The following NAP1L1 variants were observed in gnomAD, a reference collection of about 807,000 sequenced individuals.
NAP1L1 encodes nucleosome assembly protein 1-like 1.
Under a neutral mutation model 58.9 loss-of-function variants are expected in NAP1L1, and 9 were observed. The ratio of observed to expected loss-of-function variants is 0.15; its 90% CI spans 0.09 to 0.27. The LOEUF is 0.27. NAP1L1 is among the 10% of genes least tolerant of loss of function. The probability of loss-of-function intolerance (pLI) is 1.00; values close to 1 mark genes in which losing one functional copy is unlikely to be tolerated. For missense variants in NAP1L1, 302 were observed against 458.8 expected (o/e 0.66, Z 3.12); for synonymous variants, 130 against 138.3 (o/e 0.94, Z 0.42).
chr12:76,060,938 C>G, intron 4 of NAP1L1: 1 of 295,666 alleles, frequency 3.4e-6, no homozygotes, highest in Non-Finnish European at 6.8e-6. Flanking sequence ...ACAAAAAATA[C>G]AAAAATTAGC....
intron 6 of NAP1L1, chr12:76,057,535 GA>G: frequency 1.3e-6 from 1 of 774,162 alleles, no homozygotes. Context: ...CTGGGTTTGT[GA>G]AATGGCTGCT....
rs1360364127 is a variant in NAP1L1 at position 76,042,389 on chromosome 12, C to T, written c.*6040G>A. 2 of 152,176 alleles carry T rather than the reference C, an allele frequency of 1.3e-5. No homozygotes were observed. Among genetic ancestry groups the T allele is most frequent in the African/African-American group, 4.8e-5 (2 of 41,438 alleles). The allele number at this position is 152,176 out of a possible 1,614,324, so 9.4% of individuals were successfully genotyped here. On this transcript the variant is annotated 3_prime_UTR_variant, in exon 15 of 15. Transcript: ENST00000618691. ...GCTGAACCAACAGGTGGTAGACAGA[C>T]TCTAAAGCCTGTGTTTAAAGACACT...
Position 76,053,113 on chromosome 12 carries a change from G to A in NAP1L1, c.917-3C>T, listed in dbSNP as rs1208977764. On this transcript the variant is annotated splice_polypyrimidine_tract_variant and splice_region_variant and intron_variant, in intron 10 of 14. Coordinates refer to ENST00000618691, the MANE Select transcript of NAP1L1 (RefSeq NM_004537.7). The stretch of plus-strand genomic sequence containing the variant: ...TACCAGATCTCCACTCTCAGGAACT[G>A]CAAAATTGAGAAAAGAAATTACAAT... The A allele has an allele frequency of 7.4e-6, 12 of 1,611,398 alleles. No individual in the cohort carries two copies. Among genetic ancestry groups the A allele is most frequent in the Non-Finnish European group, 1.0e-5 (12 of 1,178,462 alleles).
At chr12:76,076,968 A>G (rs1950205560) in intron 1 of NAP1L1, among the ~76,000 whole-genome samples, 1 of 152,214 alleles carries the variant, frequency 6.6e-6, no homozygotes, top group Non-Finnish European at 1.5e-5. Flanking sequence ...TGGTTTTCCA[A>G]CACACAGATT....
intron 11 of NAP1L1, 81 bp from the exon 12 acceptor site, chr12:76,050,734 C>T (rs546512272): frequency 2.1e-6 from 3 of 1,442,226 alleles, no homozygotes; most frequent in South Asian, 2.8e-5. Context: ...CTCTTAGAGG[C>T]TGGGTGTGAT....
intron 6 of NAP1L1, chr12:76,057,089 C>T (rs977508740): frequency 1.6e-5 from 3 of 182,578 alleles, no homozygotes; most frequent in Non-Finnish European, 3.5e-5. Flanking sequence ...TTGCTTGAAG[C>T]CAGGAGTCTA....
chr12:76,081,065 C>G (rs1049040919), intron 1 of NAP1L1, among the ~76,000 whole-genome samples: 1 of 98,832 alleles, frequency 1.0e-5, no homozygotes, highest in African/African-American at 4.2e-5. Flanking sequence ...TCTATAACTG[C>G]AAGAAATAAA....
chr12:76,078,502 A>C (rs1950282946), intron 1 of NAP1L1, among the ~76,000 whole-genome samples: 1 of 152,224 alleles, frequency 6.6e-6, no homozygotes, highest in African/African-American at 2.4e-5. Context: ...ATCCTACACA[A>C]AGACTTAAAA....
At position 76,045,789 on chromosome 12, in the gene NAP1L1, AAATTT is replaced by A. The variant is rs1948597049; in HGVS notation, c.*2635_*2639del. On this transcript the variant is annotated 3_prime_UTR_variant, in exon 15 of 15. Coordinates refer to ENST00000618691, the MANE Select transcript of NAP1L1 (RefSeq NM_004537.7). ...AGTGACCATAAAGCAAACAACTCTAAAATTTTTTCATATCAGTTTTCTTTATAAGT... is the reference window on the plus strand; with the variant it reads ...AGTGACCATAAAGCAAACAACTCTAATTTCATATCAGTTTTCTTTATAAGT... 6.6e-6 allele frequency: 1 copy of A among 152,062 alleles called. No individual in the cohort carries two copies. Among genetic ancestry groups the A allele is most frequent in the South Asian group, 2.1e-4 (1 of 4,832 alleles). 9.4% of individuals were successfully genotyped at this position (152,062 alleles called of 1,614,324 possible).
At chr12:76,068,401 G>A (rs1044295281) in intron 3 of NAP1L1, among the ~76,000 whole-genome samples, 4 of 151,780 alleles carry the variant, frequency 2.6e-5, no homozygotes, top group Non-Finnish European at 5.9e-5. Context: ...TATTCTTGGC[G>A]CAGATCTACA....
chr12:76,041,383 T>G lies in NAP1L1; in HGVS notation c.*7046A>C. On this transcript the variant is annotated 3_prime_UTR_variant, in exon 15 of 15. Coordinates refer to ENST00000618691, the MANE Select transcript of NAP1L1 (RefSeq NM_004537.7). ...TATAGAACCAAAGAGTAGGTACTGA[T>G]GAAAAGGAGATCCTATGTTGAACTA... 6.6e-6 allele frequency: 1 copy of G among 152,154 alleles called. No individual in the cohort carries two copies. Among genetic ancestry groups the G allele is most frequent in the East Asian group, 1.9e-4 (1 of 5,194 alleles). The allele number at this position is 152,154 out of a possible 1,614,324, so 9.4% of individuals were successfully genotyped here.
chr12:76,069,487 T>C (rs1236205917), intron 2 of NAP1L1, among the ~76,000 whole-genome samples: 1 of 152,186 alleles, frequency 6.6e-6, no homozygotes, highest in East Asian at 1.9e-4. Context: ...GAAGCCTTTA[T>C]CTTAATCCCT....
chr12:76,067,530 T>G, intron 3 of NAP1L1, 57 bp from the exon 4 acceptor site: 4 of 1,375,298 alleles, frequency 2.9e-6, no homozygotes, highest in Non-Finnish European at 4.1e-6. Flanking sequence ...TTATGCTTTT[T>G]TAATAGGACA....
At position 76,039,731 on chromosome 12, in the gene NAP1L1, TAA is replaced by T. The variant is rs1948532800; in HGVS notation, c.*8696_*8697del. ...CAACACAACTCAACTGTGTCATTGTTAAAGTTACTTAACTTCCATCCTTATGC... is the reference window on the plus strand; with the variant it reads ...CAACACAACTCAACTGTGTCATTGTTAGTTACTTAACTTCCATCCTTATGC... On this transcript the variant is annotated 3_prime_UTR_variant, in exon 15 of 15. Coordinates refer to ENST00000618691, the MANE Select transcript of NAP1L1 (RefSeq NM_004537.7). 6.6e-6 allele frequency: 1 copy of T among 152,178 alleles called. No individual in the cohort carries two copies. The highest frequency in any genetic ancestry group is 6.5e-5 in the Admixed American group (1 of 15,280). The allele number at this position is 152,178 out of a possible 1,614,324, so 9.4% of individuals were successfully genotyped here.
chr12:76,069,025 A>C, intron 2 of NAP1L1, 31 bp from the exon 3 acceptor site: 1 of 1,479,168 alleles, frequency 6.8e-7, no homozygotes, highest in Non-Finnish European at 9.3e-7. Context: ...ACCAAGGTTC[A>C]AATGTACCAA....
chr12:76,057,760 AAAC>A, intron 6 of NAP1L1: 1 of 1,550,654 alleles, frequency 6.4e-7, no homozygotes, highest in Non-Finnish European at 8.7e-7. Context: ...AAATTCACCC[AAAC>A]AAGAAGCTGG....
At chr12:76,077,326 T>C (rs985441046) in intron 1 of NAP1L1, among the ~76,000 whole-genome samples, 1 of 152,224 alleles carries the variant, frequency 6.6e-6, no homozygotes, top group African/African-American at 2.4e-5. Context: ...ATAGACCTAA[T>C]TTTCTAGTCA....
chr12:76,040,586 G>C lies in NAP1L1; in HGVS notation c.*7843C>G, dbSNP rs1297741867. 2 of 151,436 alleles carry C rather than the reference G, an allele frequency of 1.3e-5. No homozygotes were observed. The highest frequency in any genetic ancestry group is 2.9e-5 in the Non-Finnish European group (2 of 68,196). The allele number at this position is 151,436 out of a possible 1,614,324, so 9.4% of individuals were successfully genotyped here. ...GTTGGAGTGCAGTGGCACTATCTCG[G>C]CTCACTGCAACCTCCACCTCCCGAG... On this transcript the variant is annotated 3_prime_UTR_variant, in exon 15 of 15. Coordinates refer to ENST00000618691, the MANE Select transcript of NAP1L1 (RefSeq NM_004537.7).
intron 6 of NAP1L1, chr12:76,059,557 G>A: frequency 4.7e-6 from 2 of 422,500 alleles, no homozygotes; most frequent in Non-Finnish European, 8.3e-6. Context: ...AAACTGCTGT[G>A]GACACTTAAG....
Sources: gnomAD v4.1 joint callset for allele counts (sites outside exome capture counted in the v4.1 genomes callset) on GRCh38, gnomAD v4.1.1 for gene constraint, MANE v1.5 for transcripts, NCBI Gene and HGNC (gene_info 2026-07-23, HGNC 2026-07-21) for gene names.